Variants in ZNF578 observed in about 807,000 individuals in gnomAD.
The protein encoded by ZNF578 is zinc finger protein 578, also known as Putative chemokine-related protein B42.
In ZNF578, 8 loss-of-function variants were observed where a neutral mutation model predicts 8.3. That is an observed-to-expected ratio of 0.96 (90% CI 0.56 to 1.74). The LOEUF (loss-of-function observed/expected upper bound fraction) is 1.74. Among genes scored for constraint, ZNF578 ranks in the 40% most tolerant of loss-of-function variants. The pLI, the probability that ZNF578 is intolerant of heterozygous loss-of-function variation, is 0.00. For synonymous variants in ZNF578, 206 were observed against 232.2 expected (o/e 0.89, Z 1.03); for missense variants, 726 against 707.5 (o/e 1.03, Z -0.30).
At chr19:52,459,713 A>ATGTG (rs1555751309) in intron 2 of ZNF578, among the ~76,000 whole-genome samples, 732 of 18,174 alleles carry the variant, frequency 0.04, 7 homozygotes, top group East Asian at 0.049. Context: ...ATATGTAGAT[A>ATGTG]TGTGTGTGTG....
intron 2 of ZNF578, among the ~76,000 whole-genome samples, chr19:52,484,043 C>T (rs534217121): frequency 6.6e-6 from 1 of 152,022 alleles, no homozygotes; most frequent in Non-Finnish European, 1.5e-5. Flanking sequence ...CATTATTGGG[C>T]GTTTCTCAGA....
In ZNF578 at chr19:52,511,143, A is replaced by C. The variant is rs1276954921; in HGVS notation, c.762A>C (p.Leu254Phe). The change falls in exon 6 of 6, where the codon TTA becomes TTC. Residue 254 changes from leucine to phenylalanine, a missense_variant. By Grantham distance (22) the Leu-to-Phe change is conservative. Transcript: ENST00000421239. ...TAAGGAAACATCAGATAATCCATTT[A>C]GGAGAAAAACAATATAAATTTGATA... ...SFVRKHQIIHLGEKQYKFDIC... is the reference protein window; with the variant it reads ...SFVRKHQIIHFGEKQYKFDIC... The C allele has an allele frequency of 1.9e-6, 3 of 1,614,066 alleles. No homozygotes were observed. The African/African-American group carries it at 4.0e-5, about 22-fold the overall frequency.
chr19:52,501,043 T>A (rs7247461), intron 3 of ZNF578, among the ~76,000 whole-genome samples: 2,378 of 152,194 alleles, frequency 0.016, 59 homozygotes, highest in African/African-American at 0.053. Context: ...CATGCCCAGC[T>A]AATTTTTGTA....
rs1000797835 is a variant in ZNF578, at chr19:52,513,748, A to T, written c.*1594A>T. Among the ~76,000 whole-genome samples, 3 of 136,294 alleles carry T rather than the reference A, an allele frequency of 2.2e-5. No homozygotes were observed. The highest frequency in any genetic ancestry group is 5.4e-5 in the African/African-American group (2 of 37,184). 89.4% of individuals were successfully genotyped at this position (136,294 alleles called of 152,430 possible). ...CTGTCTCAAAAAAAAAAAAAAAAAG[A>T]TATCAAACCCGGGGTGTCTCATCCC... is the stretch of plus-strand genomic sequence containing the variant. On this transcript the variant is annotated 3_prime_UTR_variant, in exon 6 of 6. Coordinates refer to ENST00000421239, the MANE Select transcript of ZNF578 (RefSeq NM_001099694.2).
chr19:52,480,852 C>T (rs8182529), intron 2 of ZNF578, among the ~76,000 whole-genome samples: 15,096 of 150,540 alleles, frequency 0.1, 1,284 homozygotes, highest in East Asian at 0.33. Context: ...GCCGTGATCA[C>T]GCCACCGCAC....
chr19:52,464,591 G>A (rs76794249), intron 2 of ZNF578, among the ~76,000 whole-genome samples: 2 of 152,086 alleles, frequency 1.3e-5, no homozygotes, highest in African/African-American at 4.8e-5. Flanking sequence ...GGTGCTATAA[G>A]CAATCCAGCG....
rs751166763 is a variant in ZNF578, at chr19:52,506,794, C to T, written c.190+2013C>T. Among the ~76,000 whole-genome samples the T allele has an allele frequency of 1.8e-4, 27 of 152,154 alleles. 1 individual carries two copies. Among genetic ancestry groups the T allele is most frequent in the Admixed American group, 5.2e-4 (8 of 15,262 alleles). On this transcript the variant is annotated intron_variant, in intron 5 of 5. Transcript: ENST00000421239. ...GGAGTTTCTACTTGTGATTCATCCA[C>T]CTGCTTTTTAAAACAAGTGAATATT...
rs775260952 is a variant in ZNF578 at position 52,511,008 on chromosome 19, G to A, written c.627G>A (p.Gly209=). 2 of 1,613,974 alleles carry A rather than the reference G, an allele frequency of 1.2e-6. No individual in the cohort carries two copies. Among genetic ancestry groups the A allele is most frequent in the African/African-American group, 2.7e-5 (2 of 74,896 alleles). Residue 209 remains glycine, a synonymous_variant, in exon 6 of 6, where the codon GGG becomes GGA. Coordinates refer to ENST00000421239, the MANE Select transcript of ZNF578 (RefSeq NM_001099694.2). ...RPETHTPNNY[G]NNFFHSSLLT... Reference sequence around the variant, plus strand: ...AAACACATACTCCTAATAACTATGGGAATAATTTTTTCCATTCATCATTAC... The same window carrying A: ...AAACACATACTCCTAATAACTATGGAAATAATTTTTTCCATTCATCATTAC...
At chr19:52,493,018 T>C (rs2059371850) in intron 3 of ZNF578, among the ~76,000 whole-genome samples, 2 of 152,228 alleles carry the variant, frequency 1.3e-5, no homozygotes, top group Admixed American at 1.3e-4. Flanking sequence ...CGGGAGTTGC[T>C]TCCTTTTGGG....
intron 2 of ZNF578, among the ~76,000 whole-genome samples, chr19:52,489,961 T>C (rs2059359736): frequency 6.6e-6 from 1 of 152,184 alleles, no homozygotes; most frequent in South Asian, 2.1e-4. Flanking sequence ...CAGCCACCCA[T>C]GACCAAATTC....
At chr19:52,501,634 T>A (rs2059407853) in intron 3 of ZNF578, among the ~76,000 whole-genome samples, 193 bp from the exon 4 acceptor site, 1 of 152,090 alleles carries the variant, frequency 6.6e-6, no homozygotes, top group Non-Finnish European at 1.5e-5. Context: ...GGGGGCGAGA[T>A]CTGAAGACCA....
In ZNF578 at chr19:52,515,514, C is replaced by T. The variant is rs1388688023; in HGVS notation, c.*3360C>T. On this transcript the variant is annotated 3_prime_UTR_variant, in exon 6 of 6. Coordinates refer to ENST00000421239, the MANE Select transcript of ZNF578 (RefSeq NM_001099694.2). Reference sequence around the variant, plus strand: ...CAAGGATGGGGGTGATAAGAGCAACCTTTGCCATTAGCCCTTCCAGGACCC... The same window carrying T: ...CAAGGATGGGGGTGATAAGAGCAACTTTTGCCATTAGCCCTTCCAGGACCC... 6.6e-6 allele frequency among the ~76,000 whole-genome samples: 1 copy of T among 152,138 alleles called. No homozygotes were observed. Among genetic ancestry groups the T allele is most frequent in the Admixed American group, 6.5e-5 (1 of 15,274 alleles).
intron 5 of ZNF578, among the ~76,000 whole-genome samples, chr19:52,505,321 T>C (rs2059421910): frequency 2.6e-5 from 4 of 152,254 alleles, no homozygotes; most frequent in South Asian, 4.1e-4. Flanking sequence ...GGACATCATT[T>C]GGGCTCACAG....
intron 2 of ZNF578, among the ~76,000 whole-genome samples, chr19:52,461,537 T>G (rs1389683118): frequency 1.3e-5 from 2 of 152,202 alleles, no homozygotes; most frequent in Non-Finnish European, 2.9e-5. Context: ...CCATGGTCTA[T>G]TGAGGGAAAC....
At position 52,511,727 on chromosome 19, in the gene ZNF578, A is replaced by G. The variant is rs2059448283; in HGVS notation, c.1346A>G (p.His449Arg). The G allele has an allele frequency of 6.2e-7, 1 of 1,613,476 alleles. No individual in the cohort carries two copies. The change falls in exon 6 of 6, where the codon CAT becomes CGT. Residue 449 changes from histidine (H) to arginine (R), a missense_variant. Physicochemically the swap from His to Arg is conservative, Grantham distance 29. Coordinates refer to ENST00000421239, the MANE Select transcript of ZNF578 (RefSeq NM_001099694.2). Reference sequence around the variant, plus strand: ...AGCCTTGCACGTCATCATAGACTTCATACTGGAGAGAAATCTTACAAATGT... The same window carrying G: ...AGCCTTGCACGTCATCATAGACTTCGTACTGGAGAGAAATCTTACAAATGT... ...QSSLARHHRLHTGEKSYKCEE... is the reference protein window; with the variant it reads ...QSSLARHHRLRTGEKSYKCEE...
At chr19:52,455,747 A>G (rs1034755262) in intron 1 of ZNF578, 3 of 152,210 alleles carry the variant, frequency 2.0e-5, no homozygotes, top group Non-Finnish European at 4.4e-5. Flanking sequence ...TTAGGTGAAC[A>G]TATTGGCATA....
rs10408705 is a variant in ZNF578, at chr19:52,514,299, G to A, written c.*2145G>A. Among the ~76,000 whole-genome samples the A allele has an allele frequency of 0.044, 6,721 of 152,100 alleles. 513 individuals are homozygous for A. The highest frequency in any genetic ancestry group is 0.15 in the African/African-American group (6,346 of 41,464). On this transcript the variant is annotated 3_prime_UTR_variant, in exon 6 of 6. Transcript: ENST00000421239. Reference sequence around the variant, plus strand: ...TGTTTTCCGGTTGACCCCAAAATTCGTGAGATTTTTTTCCTACAACAATTT... The same window carrying A: ...TGTTTTCCGGTTGACCCCAAAATTCATGAGATTTTTTTCCTACAACAATTT...
At chr19:52,466,109 A>T (rs924516653) in intron 2 of ZNF578, among the ~76,000 whole-genome samples, 9 of 152,230 alleles carry the variant, frequency 5.9e-5, no homozygotes, top group African/African-American at 2.2e-4. Flanking sequence ...TAGATCTGAG[A>T]AGCAGATGTT....
chr19:52,478,623 T>C (rs1415429740), intron 2 of ZNF578, among the ~76,000 whole-genome samples: 5 of 152,190 alleles, frequency 3.3e-5, no homozygotes, highest in Non-Finnish European at 2.9e-5. Context: ...AAGGAGATAA[T>C]GGCAGAAGGA....
Sources: allele counts gnomAD v4.1 joint callset (sites outside exome capture counted in the v4.1 genomes callset), GRCh38; gene constraint gnomAD v4.1.1; transcripts MANE v1.5; gene names NCBI Gene and HGNC (gene_info 2026-07-23, HGNC 2026-07-21).